Variants in CYP46A1 observed in about 807,000 individuals in gnomAD.
CYP46A1 encodes cholesterol 24-hydroxylase.
CYP46A1 carries 20 observed loss-of-function variants against 63.3 expected under a neutral mutation model. That is an observed-to-expected ratio of 0.32 (90% CI 0.22 to 0.46). CYP46A1 has a LOEUF of 0.46. Among genes scored for constraint, CYP46A1 ranks in the 20% least tolerant of loss-of-function variants. The pLI, the probability that CYP46A1 is intolerant of heterozygous loss-of-function variation, is 1.00. For synonymous variants in CYP46A1, 268 were observed against 273.6 expected (o/e 0.98, Z 0.20); for missense variants, 445 against 670.8 (o/e 0.66, Z 3.72).
rs528101077 is a variant in CYP46A1 at position 99,699,844 on chromosome 14, C to A, written c.357-171C>A. On this transcript the variant is annotated intron_variant, in intron 4 of 14. Coordinates refer to ENST00000261835, the MANE Select transcript of CYP46A1 (RefSeq NM_006668.2). ...GACATAACATTCACCATTTTCCCCA[C>A]CTTAGAGGGTACAGTCTAGTGGAAT... is the stretch of plus-strand genomic sequence containing the variant. Among the ~76,000 whole-genome samples, 24 of 152,306 alleles carry A rather than the reference C, an allele frequency of 1.6e-4. No homozygotes were observed. The South Asian group carries it at 5.0e-3, about 32-fold the overall frequency.
chr14:99,687,977 G>A (rs79947893), intron 1 of CYP46A1, among the ~76,000 whole-genome samples: 17,003 of 59,884 alleles, frequency 0.28, 1,003 homozygotes, highest in Middle Eastern at 0.4. Context: ...GTGCCAGAAG[G>A]AATGGGTTTT....
intron 7 of CYP46A1, among the ~76,000 whole-genome samples, chr14:99,714,552 G>C (rs1028762078): frequency 2.0e-5 from 3 of 152,100 alleles, no homozygotes; most frequent in East Asian, 1.9e-4. Context: ...CCTGAGGTCA[G>C]GAGTTCAAAA....
chr14:99,723,904 G>A (rs1412543336), intron 12 of CYP46A1, among the ~76,000 whole-genome samples: 1 of 152,190 alleles, frequency 6.6e-6, no homozygotes, highest in Non-Finnish European at 1.5e-5. Context: ...TGCCAGGGCT[G>A]TTGTAACAAA....
At chr14:99,690,942 G>A in intron 1 of CYP46A1, 139 bp from the exon 2 acceptor site, 1 of 718,648 alleles carries the variant, frequency 1.4e-6, no homozygotes, top group Non-Finnish European at 2.4e-6. Flanking sequence ...ACTGCCTGGT[G>A]TCCCTGAGCC....
At chr14:99,715,418 G>A (rs1400748380) in intron 7 of CYP46A1, among the ~76,000 whole-genome samples, 6 of 152,168 alleles carry the variant, frequency 3.9e-5, no homozygotes, top group African/African-American at 1.2e-4. Flanking sequence ...CTGGGACTTC[G>A]GCCCCTGAGC....
At position 99,703,518 on chromosome 14, in the gene CYP46A1, C is replaced by G. The variant is rs1382711489; in HGVS notation, c.444-3129C>G. 5 of 908,454 alleles carry G rather than the reference C, an allele frequency of 5.5e-6. No individual in the cohort carries two copies. The African/African-American group carries it at 9.0e-5, about 16-fold the overall frequency. The allele number at this position is 908,454 out of a possible 1,614,324, so 56.3% of individuals were successfully genotyped here. A position where few individuals can be genotyped will look rare whatever the true frequency, so the allele number is the denominator to read the frequency against. ...CTAAACCCCTCCAACCTTTGCATCCCCTCTCCCCAGCCTTTCTGGAAACCA... is the reference window on the plus strand; with the variant it reads ...CTAAACCCCTCCAACCTTTGCATCCGCTCTCCCCAGCCTTTCTGGAAACCA... On this transcript the variant is annotated intron_variant, in intron 5 of 14. Coordinates refer to ENST00000261835, the MANE Select transcript of CYP46A1 (RefSeq NM_006668.2).
intron 2 of CYP46A1, chr14:99,691,518 T>C: frequency 1.7e-6 from 1 of 575,630 alleles, no homozygotes; most frequent in Non-Finnish European, 3.1e-6. Flanking sequence ...AGGACAACCT[T>C]TTGGGACAAT....
intron 1 of CYP46A1, among the ~76,000 whole-genome samples, chr14:99,688,663 C>G (rs911874497): frequency 6.6e-6 from 1 of 152,162 alleles, no homozygotes; most frequent in South Asian, 2.1e-4. Flanking sequence ...GGAACAAAAC[C>G]TTTCCCTTCA....
chr14:99,690,222 C>T (rs181609822), intron 1 of CYP46A1, among the ~76,000 whole-genome samples: 23 of 152,310 alleles, frequency 1.5e-4, no homozygotes, highest in African/African-American at 5.5e-4. Flanking sequence ...AAAAATCAGA[C>T]CTTGGTGTTG....
At chr14:99,700,767 G>A (rs2056624287) in intron 5 of CYP46A1, among the ~76,000 whole-genome samples, 1 of 152,218 alleles carries the variant, frequency 6.6e-6, no homozygotes, top group South Asian at 2.1e-4. Flanking sequence ...TTTAGAATGG[G>A]TTCCTTCTAC....
intron 7 of CYP46A1, 64 bp from the exon 8 acceptor site, chr14:99,715,746 G>C: frequency 1.9e-6 from 3 of 1,605,020 alleles, no homozygotes; most frequent in South Asian, 2.2e-5. Flanking sequence ...TCGGGGTGGT[G>C]GGGGAGAGGG....
At chr14:99,701,134 T>A (rs1214934360) in intron 5 of CYP46A1, among the ~76,000 whole-genome samples, 1 of 152,256 alleles carries the variant, frequency 6.6e-6, no homozygotes, top group Non-Finnish European at 1.5e-5. Context: ...TCAAAAATAT[T>A]TAAAAAATGA....
At chr14:99,699,988 C>G (rs754314959) in intron 4 of CYP46A1, 27 bp from the exon 5 acceptor site, 1 of 696,932 alleles carries the variant, frequency 1.4e-6, no homozygotes, top group Non-Finnish European at 2.2e-6. Flanking sequence ...CACCCTCTTT[C>G]CCGCATCACG....
chr14:99,705,017 C>T (rs1026252466), intron 5 of CYP46A1, among the ~76,000 whole-genome samples: 6 of 152,352 alleles, frequency 3.9e-5, no homozygotes, highest in African/African-American at 1.2e-4. Context: ...CAGCGAGAAG[C>T]AGACTCCAGC....
chr14:99,726,782 C>A lies in CYP46A1; in HGVS notation c.*55C>A. The A allele has an allele frequency of 7.2e-7, 1 of 1,382,850 alleles. No homozygotes were observed. The highest frequency in any genetic ancestry group is 9.6e-7 in the Non-Finnish European group (1 of 1,042,362). 85.7% of individuals were successfully genotyped at this position (1,382,850 alleles called of 1,614,324 possible). On this transcript the variant is annotated 3_prime_UTR_variant, in exon 15 of 15. Transcript: ENST00000261835. Reference sequence around the variant, plus strand: ...GGGCAAGGGCCGTGCCCGCCCACCTCTGCTGCCCACGGCCACCCACCCTTC... The same window carrying A: ...GGGCAAGGGCCGTGCCCGCCCACCTATGCTGCCCACGGCCACCCACCCTTC...
intron 7 of CYP46A1, among the ~76,000 whole-genome samples, chr14:99,713,875 A>AC (rs1566833050): frequency 3.4e-4 from 40 of 116,228 alleles, no homozygotes; most frequent in Admixed American, 9.2e-4. Flanking sequence ...CAAAAAAAAA[A>AC]AAAAAAAAAA....
chr14:99,684,661 C>T (rs1595179927), intron 1 of CYP46A1, 125 bp downstream of exon 1: 1 of 793,112 alleles, frequency 1.3e-6, no homozygotes, highest in South Asian at 1.5e-5. Context: ...TGGGAGTCGG[C>T]GGCCCCGAGA....
At chr14:99,688,681 G>A (rs569409827) in intron 1 of CYP46A1, among the ~76,000 whole-genome samples, 2 of 152,158 alleles carry the variant, frequency 1.3e-5, no homozygotes, top group Non-Finnish European at 2.9e-5. Context: ...TCACCCTCTC[G>A]TTCCCTGTAG....
chr14:99,715,441 A>G (rs1293545811), intron 7 of CYP46A1, among the ~76,000 whole-genome samples: 1 of 152,060 alleles, frequency 6.6e-6, no homozygotes, highest in African/African-American at 2.4e-5. Context: ...GCAGCCGCCA[A>G]TGCCGCCCCG....
Sources: allele counts gnomAD v4.1 joint callset (sites outside exome capture counted in the v4.1 genomes callset), GRCh38; gene constraint gnomAD v4.1.1; transcripts MANE v1.5; gene names NCBI Gene and HGNC (gene_info 2026-07-23, HGNC 2026-07-21).